The following KIAA0825 variants were observed in gnomAD, a reference collection of about 807,000 sequenced individuals.
KIAA0825 encodes KIAA0825.
KIAA0825 carries 119 observed loss-of-function variants against 147.6 expected under a neutral mutation model. The ratio of observed to expected loss-of-function variants is 0.81; its 90% CI spans 0.69 to 0.94. The LOEUF is 0.94. KIAA0825 is among the 40% of genes least tolerant of loss of function. The pLI, the probability that KIAA0825 is intolerant of heterozygous loss-of-function variation, is 0.00. For missense variants in KIAA0825, 1,381 were observed against 1,472.7 expected, an observed-to-expected ratio of 0.94 and a Z score of 1.02; for synonymous variants, 470 against 518.1, an observed-to-expected ratio of 0.91 and a Z score of 1.26.
intron 13 of KIAA0825, among the ~76,000 whole-genome samples, chr5:94,444,623 GGAATA>G (rs772301704): frequency 1.3e-5 from 2 of 152,014 alleles, no homozygotes; most frequent in Non-Finnish European, 2.9e-5. Context: ...AGGGAAAGAT[GGAATA>G]GGTGGTAGAA....
intron 20 of KIAA0825, among the ~76,000 whole-genome samples, chr5:94,279,534 C>A (rs1278643742): frequency 6.6e-6 from 1 of 152,004 alleles, no homozygotes; most frequent in Non-Finnish European, 1.5e-5. Context: ...CTGCATCATC[C>A]ATCATTCCTC....
intron 5 of KIAA0825, among the ~76,000 whole-genome samples, chr5:94,504,107 A>G (rs540657424): frequency 2.8e-4 from 42 of 152,332 alleles, no homozygotes; most frequent in African/African-American, 9.6e-4. Context: ...GAGCCCTTAA[A>G]TTATCTTAAA....
rs868208659 is a variant in KIAA0825 at position 94,553,354 on chromosome 5, C to T, written c.-1-16227G>A. On this transcript the variant is annotated intron_variant, in intron 2 of 20. Transcript: ENST00000682413. The stretch of plus-strand genomic sequence containing the variant: ...ACTCGGGAGGCTGAGGCAGGAGAAT[C>T]GCTTGAACCCAGGAGGCAGAGGTTG... 2.6e-3 allele frequency among the ~76,000 whole-genome samples: 379 copies of T among 146,510 alleles called. 2 individuals carry two copies. Among genetic ancestry groups the T allele is most frequent in the Non-Finnish European group, 4.5e-3 (302 of 66,488 alleles).
chr5:94,396,481 T>C lies in KIAA0825; in HGVS notation c.2916A>G (p.Val972=), dbSNP rs1750667973. ...TAGGTAACTTGCTGATTACAATAGA[T>C]ACTGCCTGAGCAGTAAGCCTTGTGA... is the stretch of plus-strand genomic sequence containing the variant. ...KSFTRLTAQA[V]SIVISKLPTV... Residue 972 remains valine, a synonymous_variant, in exon 17 of 21, where the codon GTA becomes GTG. Coordinates refer to ENST00000682413, the MANE Select transcript of KIAA0825 (RefSeq NM_001145678.3). 1 of 1,514,006 alleles carries C rather than the reference T, an allele frequency of 6.6e-7. No homozygotes were observed. The highest frequency in any genetic ancestry group is 2.2e-5 in the Admixed American group (1 of 44,762). 93.8% of individuals were successfully genotyped at this position (1,514,006 alleles called of 1,614,324 possible).
intron 20 of KIAA0825, among the ~76,000 whole-genome samples, chr5:94,228,435 T>C (rs1255224441): frequency 6.6e-6 from 1 of 152,154 alleles, no homozygotes. Context: ...CTTACAACCA[T>C]GAGGGGAAGA....
At chr5:94,572,332 C>T (rs1298590272) in intron 2 of KIAA0825, among the ~76,000 whole-genome samples, 1 of 152,114 alleles carries the variant, frequency 6.6e-6, no homozygotes, top group Non-Finnish European at 1.5e-5. Context: ...CAGTAAGCAC[C>T]CTTCATGCTG....
At chr5:94,467,879 G>GCTTACTGGTGCTTACTGCAC (rs1760743456) in intron 10 of KIAA0825, among the ~76,000 whole-genome samples, 1 of 152,170 alleles carries the variant, frequency 6.6e-6, no homozygotes, top group African/African-American at 2.4e-5. Flanking sequence ...AGAAAGGGGT[G>GCTTACTGGTGCTTACTGCAC]CAGTAAGCAA....
intron 20 of KIAA0825, among the ~76,000 whole-genome samples, chr5:94,202,457 G>A (rs1395058796): frequency 1.3e-5 from 2 of 152,324 alleles, no homozygotes; most frequent in African/African-American, 4.8e-5. Context: ...TACCAGCGGT[G>A]TGGCTAGGGT....
At chr5:94,603,630 C>G (rs1786923585) in intron 1 of KIAA0825, among the ~76,000 whole-genome samples, 1 of 152,092 alleles carries the variant, frequency 6.6e-6, no homozygotes, top group Non-Finnish European at 1.5e-5. Context: ...ATAAGAGTGG[C>G]AAGCTGAATA....
intron 2 of KIAA0825, among the ~76,000 whole-genome samples, chr5:94,580,198 G>A (rs1175196607): frequency 2.0e-5 from 3 of 152,134 alleles, no homozygotes; most frequent in Non-Finnish European, 4.4e-5. Context: ...TGTTTACCCA[G>A]TCATTGATTA....
intron 1 of KIAA0825, among the ~76,000 whole-genome samples, chr5:94,596,917 T>C (rs748611105): frequency 9.2e-5 from 14 of 152,140 alleles, no homozygotes; most frequent in Non-Finnish European, 1.9e-4. Flanking sequence ...AATTTTTATA[T>C]GTTGATTTTG....
At position 94,523,934 on chromosome 5, in the gene KIAA0825, G is replaced by C; in HGVS notation, c.296C>G (p.Thr99Arg). 3 of 1,589,652 alleles carry C rather than the reference G, an allele frequency of 1.9e-6. No individual in the cohort carries two copies. Among genetic ancestry groups the C allele is most frequent in the Non-Finnish European group, 2.6e-6 (3 of 1,164,226 alleles). Residue 99 changes from threonine (T) to arginine (R), a missense_variant, in exon 4 of 21, where the codon ACA (threonine) becomes AGA (arginine). Coordinates refer to ENST00000682413, the MANE Select transcript of KIAA0825 (RefSeq NM_001145678.3). The stretch of plus-strand genomic sequence containing the variant: ...TAAAATAAAAATTCATTTTACCAGT[G>C]TTTTGAAAAATTTTATCAAGTCTCC... The part of the protein sequence containing the change: ...SHGDLIKFFK[T>R]LQDLLKNEQN...
chr5:94,364,212 T>C (rs1419945351), intron 20 of KIAA0825, among the ~76,000 whole-genome samples: 2 of 151,628 alleles, frequency 1.3e-5, no homozygotes, highest in African/African-American at 4.9e-5. Context: ...CAGAAGGTTT[T>C]TGAGAGCTAC....
chr5:94,296,340 G>A (rs1019608521), intron 20 of KIAA0825, among the ~76,000 whole-genome samples: 1 of 152,114 alleles, frequency 6.6e-6, no homozygotes, highest in East Asian at 1.9e-4. Flanking sequence ...AGCTTGCTGG[G>A]CTCCGTGGGG....
Position 94,151,999 on chromosome 5 carries a change from C to A in KIAA0825, c.*2008G>T, listed in dbSNP as rs946915282. Among the ~76,000 whole-genome samples, 2 of 152,128 alleles carry A rather than the reference C, an allele frequency of 1.3e-5. No individual in the cohort carries two copies. Among genetic ancestry groups the A allele is most frequent in the African/African-American group, 4.8e-5 (2 of 41,412 alleles). ...ATCAGATTAGATGGAATGTCCAGTT[C>A]TCATAAAATTTTCCTACCATTTTCT... is the stretch of plus-strand genomic sequence containing the variant. On this transcript the variant is annotated 3_prime_UTR_variant, in exon 21 of 21. Coordinates refer to ENST00000682413, the MANE Select transcript of KIAA0825 (RefSeq NM_001145678.3).
At chr5:94,344,997 T>C (rs1782831168) in intron 20 of KIAA0825, among the ~76,000 whole-genome samples, 1 of 152,150 alleles carries the variant, frequency 6.6e-6, no homozygotes, top group Non-Finnish European at 1.5e-5. Context: ...GTAGTGATTA[T>C]ACAACAATGT....
chr5:94,329,157 A>C (rs1007523614), intron 20 of KIAA0825, among the ~76,000 whole-genome samples: 10 of 152,112 alleles, frequency 6.6e-5, no homozygotes, highest in African/African-American at 1.9e-4. Context: ...GTTGGGAGCA[A>C]CAAAAAGAAG....
chr5:94,389,302 T>C (rs1749586690), intron 18 of KIAA0825, among the ~76,000 whole-genome samples: 1 of 152,184 alleles, frequency 6.6e-6, no homozygotes, highest in Non-Finnish European at 1.5e-5. Flanking sequence ...GTGGTTTTCC[T>C]GCCCAGCCCA....
At chr5:94,453,339 A>ATTTTTTT (rs563316235) in intron 12 of KIAA0825, among the ~76,000 whole-genome samples, 3 of 118,232 alleles carry the variant, frequency 2.5e-5, no homozygotes, top group East Asian at 2.4e-4. Flanking sequence ...CGTGTGGCTG[A>ATTTTTTT]TTTTTTTTTT....
Sources: gnomAD v4.1 joint callset for allele counts (sites outside exome capture counted in the v4.1 genomes callset) on GRCh38, gnomAD v4.1.1 for gene constraint, MANE v1.5 for transcripts, NCBI Gene and HGNC (gene_info 2026-07-23, HGNC 2026-07-21) for gene names.